LAMA1: variants seen among roughly 807,000 people sequenced by gnomAD.
LAMA1 encodes the protein laminin subunit alpha 1.
A neutral mutation model predicts 348.7 loss-of-function variants in LAMA1; 219 were observed. The observed-to-expected ratio is 0.63, with a 90% confidence interval of 0.56 to 0.70. LAMA1 has a LOEUF of 0.70. Ranked by LOEUF, LAMA1 falls within the 30% of genes least tolerant of loss-of-function variation. The pLI, the probability that LAMA1 is intolerant of heterozygous loss-of-function variation, is 0.00. For missense variants in LAMA1, 3,744 were observed against 3,888.0 expected, an observed-to-expected ratio of 0.96 and a Z score of 0.99; for synonymous variants, 1,487 against 1,491.0, an observed-to-expected ratio of 1.00 and a Z score of 0.06.
At chr18:6,947,936 G>A (rs2057529640) in intron 60 of LAMA1, among the ~76,000 whole-genome samples, 1 of 152,288 alleles carries the variant, frequency 6.6e-6, no homozygotes, top group African/African-American at 2.4e-5. Flanking sequence ...TGCCCAGCAG[G>A]GCTGGAGCCT....
intron 16 of LAMA1, among the ~76,000 whole-genome samples, chr18:7,028,912 C>T (rs1410410707): frequency 6.6e-6 from 1 of 152,232 alleles, no homozygotes; most frequent in Non-Finnish European, 1.5e-5. Context: ...CACCTCAGCT[C>T]CCATTTCCCC....
At chr18:7,087,903 GT>G (rs1168758244) in intron 1 of LAMA1, among the ~76,000 whole-genome samples, 1 of 152,196 alleles carries the variant, frequency 6.6e-6, no homozygotes, top group Admixed American at 6.5e-5. Flanking sequence ...TTCATACAAT[GT>G]ATTAAGATCT....
Position 7,012,054 on chromosome 18 carries a change from A to G in LAMA1, c.3448T>C (p.Cys1150Arg). Residue 1150 changes from cysteine to arginine, a missense_variant, in exon 24 of 63, where the codon TGC (cysteine) becomes CGC (arginine). Physicochemically the swap from Cys to Arg is radical, Grantham distance 180 (BLOSUM62 -3). Coordinates refer to ENST00000389658, the MANE Select transcript of LAMA1 (RefSeq NM_005559.4). ...RADNPLGCSP[C>R]FCSGLSHLCS... ...AGGTGGGACAGCCCGGAGCAGAAGCACGGGCTGCAGCCCAGGGGGTTGTCT... is the reference window on the plus strand; with the variant it reads ...AGGTGGGACAGCCCGGAGCAGAAGCGCGGGCTGCAGCCCAGGGGGTTGTCT... 6.2e-7 allele frequency: 1 copy of G among 1,612,276 alleles called. No individual in the cohort carries two copies. Among genetic ancestry groups the G allele is most frequent in the Non-Finnish European group, 8.5e-7 (1 of 1,179,150 alleles).
chr18:6,991,393 T>C (rs1391174287), intron 36 of LAMA1, among the ~76,000 whole-genome samples: 45 of 146,608 alleles, frequency 3.1e-4, no homozygotes, highest in African/African-American at 6.3e-4. Context: ...CTTCTTCTTT[T>C]TTTTTTTTTT....
chr18:6,948,566 A>G lies in LAMA1; in HGVS notation c.8557-10T>C. 1 of 1,614,200 alleles carries G rather than the reference A, an allele frequency of 6.2e-7. No individual in the cohort carries two copies. The highest frequency in any genetic ancestry group is 1.3e-5 in the African/African-American group (1 of 75,060). On this transcript the variant is annotated splice_polypyrimidine_tract_variant and intron_variant, in intron 59 of 62. Transcript: ENST00000389658. ...GGATGCTGTGGGTGATCTAAGCCAA[A>G]TGACATGCAAGAGTAGACAGTGGTG...
At chr18:7,059,023 G>A (rs1198505383) in intron 3 of LAMA1, among the ~76,000 whole-genome samples, 1 of 152,082 alleles carries the variant, frequency 6.6e-6, no homozygotes, top group African/African-American at 2.4e-5. Context: ...CCAAGTAGCT[G>A]GGATTACAGG....
At chr18:7,060,029 A>G (rs1197402566) in intron 3 of LAMA1, among the ~76,000 whole-genome samples, 5 of 152,236 alleles carry the variant, frequency 3.3e-5, no homozygotes, top group Admixed American at 6.5e-5. Context: ...CTAATTACCA[A>G]TGCAGATATG....
chr18:7,103,151 C>G (rs2058297935), intron 1 of LAMA1, among the ~76,000 whole-genome samples: 1 of 152,214 alleles, frequency 6.6e-6, no homozygotes, highest in African/African-American at 2.4e-5. Flanking sequence ...GGCACGGTGG[C>G]TCACGCCTGT....
At chr18:7,008,770 TACTA>T (rs538800596) in intron 27 of LAMA1, among the ~76,000 whole-genome samples, 162 bp from the exon 28 acceptor site, 22 of 152,336 alleles carry the variant, frequency 1.4e-4, no homozygotes, top group Admixed American at 5.2e-4. Context: ...TAAAGCACAT[TACTA>T]ACTGTCATGA....
chr18:6,949,377 T>C, intron 58 of LAMA1, 118 bp from the exon 59 acceptor site: 3 of 1,018,950 alleles, frequency 2.9e-6, no homozygotes, highest in Non-Finnish European at 3.0e-6. Context: ...CTGAATGCAA[T>C]GCTAAAGGAA....
intron 38 of LAMA1, 21 bp downstream of exon 38, chr18:6,985,506 C>CCA (rs755470775): frequency 6.2e-7 from 1 of 1,609,306 alleles, no homozygotes; most frequent in Non-Finnish European, 8.5e-7. Context: ...TGTACTGTGG[C>CCA]TGTGCTGAGA....
At chr18:7,061,060 A>AAGTGGGAG (rs1427018949) in intron 3 of LAMA1, among the ~76,000 whole-genome samples, 35 of 152,306 alleles carry the variant, frequency 2.3e-4, no homozygotes, top group African/African-American at 7.9e-4. Context: ...GGAGAGGCTG[A>AAGTGGGAG]AGTGGGAGGA....
At chr18:7,015,330 T>G in intron 22 of LAMA1, among the ~76,000 whole-genome samples, 1 of 152,138 alleles carries the variant, frequency 6.6e-6, no homozygotes, top group East Asian at 1.9e-4. Context: ...AGTGCAGTGT[T>G]GCCATCACAG....
At chr18:7,023,661 C>T (rs769181400) in intron 18 of LAMA1, among the ~76,000 whole-genome samples, 3 of 152,172 alleles carry the variant, frequency 2.0e-5, no homozygotes, top group Admixed American at 6.5e-5. Context: ...CAGCCTCCTG[C>T]AGGCTCAGCC....
chr18:7,055,672 A>G (rs2058078700), intron 3 of LAMA1, among the ~76,000 whole-genome samples: 1 of 152,044 alleles, frequency 6.6e-6, no homozygotes. Flanking sequence ...CCTGCCAGAA[A>G]CATTCTCCAA....
At chr18:6,991,097 T>C (rs971022565) in intron 36 of LAMA1, among the ~76,000 whole-genome samples, 4 of 152,122 alleles carry the variant, frequency 2.6e-5, no homozygotes, top group Non-Finnish European at 1.5e-5. Flanking sequence ...GGCCTTTAGA[T>C]CCTAGTTCTC....
chr18:6,950,705 T>A, intron 58 of LAMA1, 77 bp downstream of exon 58: 1 of 1,514,368 alleles, frequency 6.6e-7, no homozygotes, highest in South Asian at 1.1e-5. Context: ...TAATGTGCCT[T>A]TGAGAAATGG....
intron 1 of LAMA1, among the ~76,000 whole-genome samples, chr18:7,083,257 C>G (rs2058200650): frequency 6.8e-6 from 1 of 147,908 alleles, no homozygotes; most frequent in African/African-American, 2.5e-5. Flanking sequence ...ACGATCTTGG[C>G]TCACTGCAAC....
rs118089415 is a variant in LAMA1, at chr18:7,013,963, C to G, written c.3215G>C (p.Arg1072Pro). Residue 1072 changes from arginine to proline, a missense_variant, in exon 23 of 63, where the codon CGG becomes CCG. Physicochemically the swap from Arg to Pro is moderately radical, Grantham distance 103. Transcript: ENST00000389658. Reference protein sequence around the residue: ...HCQCKSKFGGRACDQCSLGYR... With the variant: ...HCQCKSKFGGPACDQCSLGYR... ...ACCCAAGGAACACTGATCGCAGGCCCGGCCACCAAATTTTGACTTGCACTG... is the reference window on the plus strand; with the variant it reads ...ACCCAAGGAACACTGATCGCAGGCCGGGCCACCAAATTTTGACTTGCACTG... The G allele has an allele frequency of 1.2e-6, 2 of 1,613,852 alleles. No homozygotes were observed. The highest frequency in any genetic ancestry group is 2.2e-5 in the South Asian group (2 of 90,994).
Sources: allele counts gnomAD v4.1 joint callset (sites outside exome capture counted in the v4.1 genomes callset), GRCh38; gene constraint gnomAD v4.1.1; transcripts MANE v1.5; gene names NCBI Gene and HGNC (gene_info 2026-07-23, HGNC 2026-07-21).